SKAP2: variants seen among roughly 807,000 people sequenced by gnomAD.
SKAP2 encodes the protein src kinase associated phosphoprotein 2, also known as src kinase-associated phosphoprotein 2.
SKAP2 carries 28 observed loss-of-function variants against 54.9 expected under a neutral mutation model. The ratio of observed to expected loss-of-function variants is 0.51; its 90% CI spans 0.38 to 0.70. The LOEUF (loss-of-function observed/expected upper bound fraction) is 0.70. Among genes scored for constraint, SKAP2 ranks in the 30% least tolerant of loss-of-function variants. SKAP2 has a pLI of 0.00. For missense variants in SKAP2, 356 were observed against 424.1 expected (o/e 0.84, Z 1.41); for synonymous variants, 137 against 134.3 (o/e 1.02, Z -0.14).
intron 4 of SKAP2, among the ~76,000 whole-genome samples, chr7:26,807,973 C>T (rs1264556157): frequency 3.9e-5 from 6 of 152,108 alleles, no homozygotes; most frequent in Admixed American, 3.9e-4. Flanking sequence ...ATAGTGTAAA[C>T]ATAACTTTTA....
intron 9 of SKAP2, among the ~76,000 whole-genome samples, chr7:26,698,023 C>T (rs10277439): frequency 0.036 from 5,544 of 152,122 alleles, 332 homozygotes; most frequent in African/African-American, 0.13. Flanking sequence ...TATCTAGTGA[C>T]AAATAGGCTG....
intron 4 of SKAP2, among the ~76,000 whole-genome samples, chr7:26,781,646 T>A (rs147053782): frequency 2.6e-5 from 4 of 152,266 alleles, no homozygotes; most frequent in African/African-American, 9.6e-5. Context: ...CAGCGCTAAC[T>A]CCTAAATAAA....
intron 4 of SKAP2, among the ~76,000 whole-genome samples, chr7:26,820,145 T>A (rs1415767834): frequency 1.3e-5 from 2 of 152,172 alleles, no homozygotes; most frequent in Admixed American, 6.5e-5. Context: ...ATTGTACCTG[T>A]GAATAGCCAC....
At chr7:26,750,815 G>T (rs1782664404) in intron 4 of SKAP2, among the ~76,000 whole-genome samples, 1 of 152,216 alleles carries the variant, frequency 6.6e-6, no homozygotes, top group African/African-American at 2.4e-5. Context: ...CTAGCAAACT[G>T]CATAGAAATA....
chr7:26,845,825 G>A (rs1454677348), intron 3 of SKAP2, among the ~76,000 whole-genome samples: 1 of 152,038 alleles, frequency 6.6e-6, no homozygotes, highest in Non-Finnish European at 1.5e-5. Flanking sequence ...TCACATCTGT[G>A]GGAGGCTGAG....
chr7:26,803,346 A>G (rs967957567), intron 4 of SKAP2, among the ~76,000 whole-genome samples: 7 of 152,222 alleles, frequency 4.6e-5, no homozygotes, highest in African/African-American at 1.7e-4. Flanking sequence ...AAGACATGCA[A>G]ATGGCAGACA....
Position 26,713,906 on chromosome 7 carries a change from C to T in SKAP2, c.796+11522G>A, listed in dbSNP as rs191074722. Among the ~76,000 whole-genome samples, 4 of 152,226 alleles carry T rather than the reference C, an allele frequency of 2.6e-5. No homozygotes were observed. The East Asian group carries it at 7.7e-4, about 29-fold the overall frequency. ...GAGCCATCGCGCCCGACCTAAGATG[C>T]TTATTTGTAAATATAATATGTAAAC... is the stretch of plus-strand genomic sequence containing the variant. On this transcript the variant is annotated intron_variant, in intron 9 of 12. Transcript: ENST00000345317.
intron 9 of SKAP2, among the ~76,000 whole-genome samples, chr7:26,692,503 C>T (rs900686737): frequency 7.2e-5 from 11 of 152,240 alleles, no homozygotes; most frequent in African/African-American, 1.9e-4. Context: ...TGTACTTACA[C>T]GACAAATAGA....
chr7:26,813,357 C>G (rs573226304), intron 4 of SKAP2, among the ~76,000 whole-genome samples: 1 of 152,176 alleles, frequency 6.6e-6, no homozygotes, highest in Non-Finnish European at 1.5e-5. Flanking sequence ...TACCTTTTGT[C>G]TATACTTTTT....
chr7:26,784,985 AT>A (rs1783511182), intron 4 of SKAP2, among the ~76,000 whole-genome samples: 2 of 152,114 alleles, frequency 1.3e-5, no homozygotes, highest in Admixed American at 6.5e-5. Context: ...ATAAATAGGT[AT>A]TTTCTGTAAA....
At chr7:26,780,366 G>T (rs1371196058) in intron 4 of SKAP2, among the ~76,000 whole-genome samples, 1 of 152,038 alleles carries the variant, frequency 6.6e-6, no homozygotes, top group Non-Finnish European at 1.5e-5. Flanking sequence ...ATTTGGTTTT[G>T]AATGACCTAA....
At chr7:26,751,871 T>A (rs1027107392) in intron 4 of SKAP2, among the ~76,000 whole-genome samples, 41 of 140,230 alleles carry the variant, frequency 2.9e-4, no homozygotes, top group African/African-American at 1.0e-3. Context: ...TATCAGTGTG[T>A]ATACACACAG....
chr7:26,691,911 G>T (rs533362803), intron 9 of SKAP2, among the ~76,000 whole-genome samples: 1,629 of 152,276 alleles, frequency 0.011, 29 homozygotes, highest in African/African-American at 0.038. Flanking sequence ...CTGTTGAGGG[G>T]CCATGAACAT....
intron 4 of SKAP2, among the ~76,000 whole-genome samples, chr7:26,781,052 A>G (rs1335754559): frequency 2.6e-5 from 4 of 152,200 alleles, no homozygotes; most frequent in Admixed American, 6.6e-5. Context: ...TTATTTTATA[A>G]GATAACTAGA....
chr7:26,670,171 AC>A lies in SKAP2; in HGVS notation c.1008del (p.Trp336CysfsTer3). 6.4e-7 allele frequency: 1 copy of A among 1,551,004 alleles called. No individual in the cohort carries two copies. Among genetic ancestry groups the A allele is most frequent in the Non-Finnish European group, 8.9e-7 (1 of 1,126,026 alleles). ...ATGGCTCCCTTCATTTCTCCTACCCACCAGCCATATCTATTGTATTCCTAAT... is the reference window on the plus strand; with the variant it reads ...ATGGCTCCCTTCATTTCTCCTACCCACAGCCATATCTATTGTATTCCTAAT... ...ILSKEYNRYGWWVGEMKGAIG... is the reference protein window; with the variant it reads ...ILSKEYNRYGXWVGEMKGAIG... On this transcript the variant is annotated frameshift_variant, in exon 12 of 13. Transcript: ENST00000345317. LOFTEE classifies it high-confidence loss of function.
chr7:26,863,909 T>C (rs1785316277), intron 1 of SKAP2, among the ~76,000 whole-genome samples: 1 of 152,038 alleles, frequency 6.6e-6, no homozygotes, highest in Admixed American at 6.5e-5. Flanking sequence ...CTGACAGCTC[T>C]TTGCATCTCT....
chr7:26,684,899 C>T, intron 10 of SKAP2, 51 bp from the exon 11 acceptor site: 1 of 1,038,822 alleles, frequency 9.6e-7, no homozygotes, highest in Non-Finnish European at 1.5e-6. Flanking sequence ...GTAATAACCC[C>T]TCATTTCAAA....
At chr7:26,854,060 AGTAT>A in intron 3 of SKAP2, 73 bp downstream of exon 3, 2 of 890,460 alleles carry the variant, frequency 2.2e-6, no homozygotes, top group Non-Finnish European at 1.8e-6. Flanking sequence ...ATCAAATTTC[AGTAT>A]GTGTTAGATT....
At chr7:26,656,671 CTCTT>C in the SKAP2 span, among the ~76,000 whole-genome samples, 1 of 152,174 alleles carries the variant, frequency 6.6e-6, no homozygotes, top group African/African-American at 2.4e-5. Context: ...ATTGCAGAAA[CTCTT>C]TCATAACAAC....
Sources: gnomAD v4.1 joint callset for allele counts (sites outside exome capture counted in the v4.1 genomes callset) on GRCh38, gnomAD v4.1.1 for gene constraint, MANE v1.5 for transcripts, NCBI Gene and HGNC (gene_info 2026-07-23, HGNC 2026-07-21) for gene names.